Variants in MSH4 observed in about 807,000 individuals in gnomAD.
MSH4 encodes mutS homolog 4.
MSH4 carries 106 observed loss-of-function variants against 113.7 expected under a neutral mutation model. The observed-to-expected ratio is 0.93, with a 90% CI of 0.80 to 1.10. MSH4 has a LOEUF of 1.10. MSH4 is among the 50% of genes least tolerant of loss of function. The pLI, the probability that MSH4 is intolerant of heterozygous loss-of-function variation, is 0.00. For missense variants in MSH4, 1,061 were observed against 1,093.7 expected (o/e 0.97, Z 0.42); for synonymous variants, 368 against 380.2 (o/e 0.97, Z 0.37).
At chr1:75,844,975 AAG>A (rs1240917782) in intron 7 of MSH4, among the ~76,000 whole-genome samples, 2 of 152,178 alleles carry the variant, frequency 1.3e-5, no homozygotes, top group Non-Finnish European at 2.9e-5. Flanking sequence ...GCACACATAC[AAG>A]AGAGAGAGGA....
chr1:75,802,536 A>C (rs939757441), intron 1 of MSH4, among the ~76,000 whole-genome samples: 52 of 152,190 alleles, frequency 3.4e-4, no homozygotes, highest in Non-Finnish European at 6.5e-4. Flanking sequence ...TTGTTTATGT[A>C]CATTATTTAA....
intron 8 of MSH4, among the ~76,000 whole-genome samples, chr1:75,858,778 C>G (rs995818391): frequency 7.2e-5 from 11 of 152,162 alleles, no homozygotes; most frequent in Non-Finnish European, 1.5e-4. Flanking sequence ...ATGCTGGCCT[C>G]ATAAAATGAG....
intron 7 of MSH4, among the ~76,000 whole-genome samples, chr1:75,833,208 C>T (rs1174472893): frequency 6.6e-6 from 1 of 152,082 alleles, no homozygotes; most frequent in Admixed American, 6.5e-5. Context: ...GAATAAAATA[C>T]CTAGGAATCC....
chr1:75,867,723 T>G (rs919995093), intron 9 of MSH4, 135 bp downstream of exon 9: 2 of 611,928 alleles, frequency 3.3e-6, no homozygotes, highest in Non-Finnish European at 5.7e-6. Context: ...TTGTACATAC[T>G]TTACATACAC....
At chr1:75,885,263 A>G (rs1171378042) in intron 15 of MSH4, among the ~76,000 whole-genome samples, 1 of 140,492 alleles carries the variant, frequency 7.1e-6, no homozygotes, top group African/African-American at 2.6e-5. Context: ...ATATATATAA[A>G]ATATGTATAT....
intron 9 of MSH4, among the ~76,000 whole-genome samples, chr1:75,873,864 C>A (rs1323258091): frequency 2.6e-5 from 4 of 152,056 alleles, no homozygotes; most frequent in African/African-American, 7.2e-5. Context: ...ATATTGTGAA[C>A]AGTGCTGCAG....
At chr1:75,861,543 G>A (rs1033384439) in intron 8 of MSH4, among the ~76,000 whole-genome samples, 3 of 152,290 alleles carry the variant, frequency 2.0e-5, no homozygotes, top group South Asian at 2.1e-4. Flanking sequence ...GTCTGTTGGA[G>A]TTTGCTGGAA....
At chr1:75,817,593 G>A (rs921473096) in intron 6 of MSH4, among the ~76,000 whole-genome samples, 1 of 152,098 alleles carries the variant, frequency 6.6e-6, no homozygotes, top group African/African-American at 2.4e-5. Context: ...TAGTTGAAAG[G>A]AACAATTGAA....
chr1:75,876,440 T>G (rs1227480449), intron 9 of MSH4, among the ~76,000 whole-genome samples: 1 of 152,140 alleles, frequency 6.6e-6, no homozygotes, highest in African/African-American at 2.4e-5. Context: ...TAAATATGCT[T>G]TCTCTTCTTC....
In MSH4 at chr1:75,807,124, A is replaced by G. The variant is rs1178915138; in HGVS notation, c.571A>G (p.Asn191Asp). The G allele has an allele frequency of 6.4e-7, 1 of 1,564,956 alleles. No individual in the cohort carries two copies. The change falls in exon 3 of 20, where the codon AAC (asparagine) becomes GAC (aspartate). Residue 191 changes from asparagine to aspartate, a missense_variant. Physicochemically the swap from Asn to Asp is conservative, Grantham distance 23. Coordinates refer to ENST00000263187, the MANE Select transcript of MSH4 (RefSeq NM_002440.4). ...PQIILSQFADNTTYAKVITKL... is the reference protein window; with the variant it reads ...PQIILSQFADDTTYAKVITKL... ...AATTATACTATCCCAGTTTGCAGAC[A>G]ACACAACATATGCAAAGGTAAGTAT...
At chr1:75,868,083 T>C (rs1243591056) in intron 9 of MSH4, among the ~76,000 whole-genome samples, 3 of 152,118 alleles carry the variant, frequency 2.0e-5, no homozygotes, top group Admixed American at 2.0e-4. Flanking sequence ...GATACTGACA[T>C]TTTGAAGCAT....
Position 75,853,985 on chromosome 1 carries a change from C to G in MSH4, c.1230+5709C>G, listed in dbSNP as rs544098210. 6.8e-5 allele frequency among the ~76,000 whole-genome samples: 6 copies of G among 87,924 alleles called. No individual in the cohort carries two copies. In the South Asian group the frequency reaches 3.3e-3, roughly 49 times the overall value. 57.7% of individuals were successfully genotyped at this position (87,924 alleles called of 152,430 possible). A position where few individuals can be genotyped will look rare whatever the true frequency, so the allele number is the denominator to read the frequency against. On this transcript the variant is annotated intron_variant, in intron 8 of 19. Transcript: ENST00000263187. ...TGGGGTATCACCATTCTAAAACCCT[C>G]TCATGGCTAGGGCATAAGTGTGTGT...
At chr1:75,876,883 T>C (rs963469990) in intron 9 of MSH4, 53 bp from the exon 10 acceptor site, 9 of 1,019,400 alleles carry the variant, frequency 8.8e-6, no homozygotes, top group African/African-American at 8.3e-5. Context: ...ATGATATGTT[T>C]GAATGATCTT....
At chr1:75,892,379 T>C (rs1039740729) in intron 17 of MSH4, among the ~76,000 whole-genome samples, 5 of 146,178 alleles carry the variant, frequency 3.4e-5, no homozygotes, top group Non-Finnish European at 6.0e-5. Context: ...ACATACACAC[T>C]CTCTCTCTCT....
rs372698397 is a variant in MSH4, at chr1:75,872,608, A to T, written c.1306-4328A>T. 4.5e-4 allele frequency among the ~76,000 whole-genome samples: 69 copies of T among 152,122 alleles called. 1 individual carries two copies. The highest frequency in any genetic ancestry group is 1.5e-3 in the African/African-American group (62 of 41,528). On this transcript the variant is annotated intron_variant, in intron 9 of 19. Transcript: ENST00000263187. ...ATAGAAAAACACTGCATAACATTTT[A>T]AAAAAAAGAAAGAAAGAATGGATCC...
intron 7 of MSH4, among the ~76,000 whole-genome samples, chr1:75,841,893 AT>A (rs1391317513): frequency 1.3e-5 from 2 of 152,202 alleles, no homozygotes; most frequent in Non-Finnish European, 2.9e-5. Context: ...GCCTATTCTA[AT>A]TTTTTAAACT....
chr1:75,890,253 T>G (rs1450805962), intron 16 of MSH4, among the ~76,000 whole-genome samples: 1 of 152,098 alleles, frequency 6.6e-6, no homozygotes, highest in East Asian at 1.9e-4. Context: ...TAGGTATTTT[T>G]TCTTAAATTT....
chr1:75,891,902 C>T (rs1652265282), intron 17 of MSH4, among the ~76,000 whole-genome samples: 1 of 152,134 alleles, frequency 6.6e-6, no homozygotes, highest in Non-Finnish European at 1.5e-5. Context: ...GCATATATTA[C>T]TTAAGATTAA....
At chr1:75,821,508 G>A (rs1650408127) in intron 6 of MSH4, among the ~76,000 whole-genome samples, 1 of 152,062 alleles carries the variant, frequency 6.6e-6, no homozygotes, top group African/African-American at 2.4e-5. Context: ...AGAGAAGCAA[G>A]AGCAAACACA....
Sources: allele counts gnomAD v4.1 joint callset (sites outside exome capture counted in the v4.1 genomes callset), GRCh38; gene constraint gnomAD v4.1.1; transcripts MANE v1.5; gene names NCBI Gene and HGNC (gene_info 2026-07-23, HGNC 2026-07-21).